The following GATAD2A variants were observed in gnomAD, a reference collection of about 807,000 sequenced individuals.
The protein encoded by GATAD2A is transcriptional repressor p66-alpha.
GATAD2A carries 12 observed loss-of-function variants against 68.5 expected under a neutral mutation model. The observed-to-expected ratio is 0.18, with a 90% CI of 0.11 to 0.28. The LOEUF is 0.28. GATAD2A is among the 10% of genes least tolerant of loss of function. The pLI is 1.00. For missense variants in GATAD2A, 755 were observed against 868.5 expected, an observed-to-expected ratio of 0.87 and a Z score of 1.64; for synonymous variants, 410 against 375.3, an observed-to-expected ratio of 1.09 and a Z score of -1.07.
intron 2 of GATAD2A, among the ~76,000 whole-genome samples, chr19:19,478,669 G>T (rs1353151161): frequency 2.0e-5 from 3 of 151,942 alleles, no homozygotes; most frequent in Admixed American, 6.6e-5. Flanking sequence ...AAAAATTGCA[G>T]AGTGGTGGCG....
chr19:19,412,088 CTT>C (rs959960153), intron 1 of GATAD2A, among the ~76,000 whole-genome samples: 32 of 144,162 alleles, frequency 2.2e-4, no homozygotes, highest in Non-Finnish European at 1.5e-4. Context: ...CTCTCTCTCT[CTT>C]TTTTTTTTGG....
At chr19:19,397,861 A>T (rs1164817317) in intron 1 of GATAD2A, among the ~76,000 whole-genome samples, 1 of 152,154 alleles carries the variant, frequency 6.6e-6, no homozygotes, top group Non-Finnish European at 1.5e-5. Flanking sequence ...AACTAGGACT[A>T]CAGGCGCATG....
intron 1 of GATAD2A, among the ~76,000 whole-genome samples, chr19:19,452,772 T>G (rs1340221593): frequency 6.6e-6 from 1 of 152,120 alleles, no homozygotes; most frequent in Non-Finnish European, 1.5e-5. Context: ...CTTGATTCAT[T>G]CTGTGGGACA....
chr19:19,424,223 T>C (rs910317785), intron 1 of GATAD2A, among the ~76,000 whole-genome samples: 1 of 148,338 alleles, frequency 6.7e-6, no homozygotes, highest in Non-Finnish European at 1.5e-5. Flanking sequence ...TGCATGTGGC[T>C]TTGTAAGTTT....
At chr19:19,490,514 G>T (rs186341663) in intron 2 of GATAD2A, among the ~76,000 whole-genome samples, 1 of 152,222 alleles carries the variant, frequency 6.6e-6, no homozygotes, top group East Asian at 1.9e-4. Flanking sequence ...TTTGAGCTGC[G>T]GCAACCAGTT....
chr19:19,395,977 A>C (rs957911153), intron 1 of GATAD2A, among the ~76,000 whole-genome samples: 1 of 152,162 alleles, frequency 6.6e-6, no homozygotes, highest in African/African-American at 2.4e-5. Context: ...GTAAGCATAC[A>C]GCAAGCGGCC....
At chr19:19,413,594 T>G (rs1380742584) in intron 1 of GATAD2A, among the ~76,000 whole-genome samples, 2 of 152,080 alleles carry the variant, frequency 1.3e-5, no homozygotes, top group African/African-American at 4.8e-5. Flanking sequence ...TTGTTTTTGT[T>G]TTTTTGAGAT....
intron 1 of GATAD2A, among the ~76,000 whole-genome samples, chr19:19,418,391 A>T (rs1469443291): frequency 6.6e-6 from 1 of 152,226 alleles, no homozygotes; most frequent in Non-Finnish European, 1.5e-5. Context: ...AGAATGAAAT[A>T]TCCAAGGGAC....
Position 19,494,326 on chromosome 19 carries a change from C to T in GATAD2A, c.567C>T (p.Thr189=). The T allele has an allele frequency of 6.2e-7, 1 of 1,612,990 alleles. No homozygotes were observed. The highest frequency in any genetic ancestry group is 8.5e-7 in the Non-Finnish European group (1 of 1,179,068). Residue 189 remains threonine (T), a synonymous_variant, in exon 5 of 12, where the codon ACC becomes ACT. Transcript: ENST00000683918. The part of the protein sequence containing the change: ...PTGSVGSTVT[T]PPPLVRGTQN... Reference sequence around the variant, plus strand: ...GTTCTGTTGGGAGCACCGTGACCACCCCTCCCCCGCTTGTTCGGGGCACTC... The same window carrying T: ...GTTCTGTTGGGAGCACCGTGACCACTCCTCCCCCGCTTGTTCGGGGCACTC...
chr19:19,397,669 C>G (rs1289541434), intron 1 of GATAD2A, among the ~76,000 whole-genome samples: 1 of 152,140 alleles, frequency 6.6e-6, no homozygotes, highest in Non-Finnish European at 1.5e-5. Flanking sequence ...AGGGCTGCTT[C>G]TGACCTTTTT....
rs1479969927 is a variant in GATAD2A at position 19,497,947 on chromosome 19, C to G, written c.925-496C>G. Among the ~76,000 whole-genome samples the G allele has an allele frequency of 2.6e-5, 4 of 152,252 alleles. No homozygotes were observed. The East Asian group carries it at 7.7e-4, about 29-fold the overall frequency. ...GGCCTAGGAGCTGCTTCCCCCATCG[C>G]CCCATAAGGACTCGGGGACTACCTC... On this transcript the variant is annotated intron_variant, in intron 7 of 11. Transcript: ENST00000683918.
At chr19:19,463,256 C>T (rs1320353533) in intron 1 of GATAD2A, among the ~76,000 whole-genome samples, 2 of 152,124 alleles carry the variant, frequency 1.3e-5, no homozygotes, top group Non-Finnish European at 2.9e-5. Context: ...GGAGGGGACC[C>T]ACACTCTGAG....
At position 19,492,731 on chromosome 19, in the gene GATAD2A, T is replaced by G; in HGVS notation, c.534+19T>G. ...CCAGAAGGTGCGTGCCTGTCTCCCC[T>G]CCTTCCTGGGCCAGCAGGAGCGCCT... On this transcript the variant is annotated intron_variant, in intron 4 of 11. Coordinates refer to ENST00000683918, the MANE Select transcript of GATAD2A (RefSeq NM_001384528.1). 1 of 1,613,458 alleles carries G rather than the reference T, an allele frequency of 6.2e-7. No individual in the cohort carries two copies. Among genetic ancestry groups the G allele is most frequent in the Non-Finnish European group, 8.5e-7 (1 of 1,179,704 alleles).
chr19:19,407,121 C>T (rs1403724065), intron 1 of GATAD2A, among the ~76,000 whole-genome samples: 2 of 152,210 alleles, frequency 1.3e-5, no homozygotes, highest in South Asian at 2.1e-4. Context: ...CACAGTGACA[C>T]CTCCTGGCTG....
At chr19:19,421,924 C>T (rs1006308857) in intron 1 of GATAD2A, among the ~76,000 whole-genome samples, 4 of 152,022 alleles carry the variant, frequency 2.6e-5, no homozygotes, top group African/African-American at 9.7e-5. Context: ...TGGGTTCAAG[C>T]AGTTCTCCTG....
chr19:19,389,279 G>C (rs1316564253), intron 1 of GATAD2A, among the ~76,000 whole-genome samples: 1 of 152,174 alleles, frequency 6.6e-6, no homozygotes, highest in African/African-American at 2.4e-5. Flanking sequence ...AAAATGTGGG[G>C]AGAGTTTGAC....
chr19:19,485,732 C>T (rs945926564), intron 2 of GATAD2A, among the ~76,000 whole-genome samples: 6 of 152,316 alleles, frequency 3.9e-5, no homozygotes, highest in East Asian at 1.9e-4. Context: ...CCAGAGCCTC[C>T]GGCCTCCTCA....
chr19:19,454,731 C>CA (rs2056762540), intron 1 of GATAD2A, among the ~76,000 whole-genome samples: 1 of 126,798 alleles, frequency 7.9e-6, no homozygotes, highest in Admixed American at 8.2e-5. Context: ...CCACTGTGCC[C>CA]CCCCCCACCC....
rs147033796 is a variant in GATAD2A, at chr19:19,415,535, C to A, written c.-7+9516C>A. Among the ~76,000 whole-genome samples, 55 of 151,748 alleles carry A rather than the reference C, an allele frequency of 3.6e-4. 1 individual carries two copies. In the East Asian group the frequency reaches 9.9e-3, roughly 27 times the overall value. Reference sequence around the variant, plus strand: ...CACAATCTTGGCTCACTGTAACCTCCGCTTCCCAGATTCAAGCGATTCTCC... The same window carrying A: ...CACAATCTTGGCTCACTGTAACCTCAGCTTCCCAGATTCAAGCGATTCTCC... On this transcript the variant is annotated intron_variant, in intron 1 of 11. Coordinates refer to ENST00000683918, the MANE Select transcript of GATAD2A (RefSeq NM_001384528.1).
Sources: gnomAD v4.1 joint callset for allele counts (sites outside exome capture counted in the v4.1 genomes callset) on GRCh38, gnomAD v4.1.1 for gene constraint, MANE v1.5 for transcripts, NCBI Gene and HGNC (gene_info 2026-07-23, HGNC 2026-07-21) for gene names.